ANKAR: variants seen among roughly 807,000 people sequenced by gnomAD.
ANKAR encodes the protein ankyrin and armadillo repeat-containing protein.
A neutral mutation model predicts 146.2 loss-of-function variants in ANKAR; 136 were observed. The observed-to-expected ratio is 0.93, with a 90% CI of 0.81 to 1.07. The LOEUF is 1.07. Ranked by LOEUF, ANKAR falls within the 50% of genes least tolerant of loss-of-function variation. The probability of loss-of-function intolerance (pLI) is 0.00; values close to 1 mark genes in which losing one functional copy is unlikely to be tolerated. For synonymous variants in ANKAR, 500 were observed against 575.8 expected (o/e 0.87, Z 1.88); for missense variants, 1,567 against 1,679.9 (o/e 0.93, Z 1.18).
chr2:189,694,332 T>G (rs895306530), intron 5 of ANKAR, among the ~76,000 whole-genome samples: 1 of 152,102 alleles, frequency 6.6e-6, no homozygotes, highest in African/African-American at 2.4e-5. Context: ...GGTCAGCAGC[T>G]GAAGTATTCA....
At chr2:189,705,253 G>A (rs1464017986) in intron 8 of ANKAR, 29 bp downstream of exon 8, 1 of 1,593,254 alleles carries the variant, frequency 6.3e-7, no homozygotes, top group Admixed American at 1.7e-5. Flanking sequence ...ATATCAGGTT[G>A]AGGTTGATGT....
At position 189,693,114 on chromosome 2, in the gene ANKAR, T is replaced by A; in HGVS notation, c.1244T>A (p.Phe415Tyr). The change falls in exon 5 of 23, where the codon TTT (phenylalanine) becomes TAT (tyrosine). Residue 415 changes from phenylalanine (F) to tyrosine (Y), a missense_variant. Transcript: ENST00000684021. ...EKIRDCAANT[F>Y]IEDSGYKEYY... ...ATACGAGATTGTGCTGCTAATACAT[T>A]TATAGAAGATTCAGGATATAAAGAA... is the stretch of plus-strand genomic sequence containing the variant. 1 of 1,554,346 alleles carries A rather than the reference T, an allele frequency of 6.4e-7. No homozygotes were observed. The highest frequency in any genetic ancestry group is 8.7e-7 in the Non-Finnish European group (1 of 1,147,330).
intron 12 of ANKAR, among the ~76,000 whole-genome samples, chr2:189,722,597 A>G (rs1242444037): frequency 6.6e-6 from 1 of 152,138 alleles, no homozygotes; most frequent in African/African-American, 2.4e-5. Context: ...AAAGAAAACT[A>G]TAGCACCGGG....
chr2:189,696,819 A>G (rs970332238), intron 7 of ANKAR, among the ~76,000 whole-genome samples: 16 of 152,356 alleles, frequency 1.1e-4, no homozygotes, highest in Non-Finnish European at 1.9e-4. Context: ...AGGTCCCAGT[A>G]GAACAATCAT....
downstream of ANKAR, chr2:189,750,582 A>T: frequency 6.4e-7 from 1 of 1,560,856 alleles, no homozygotes; most frequent in South Asian, 1.2e-5. Flanking sequence ...CAGAAATCAT[A>T]TCTCCATTTT....
intron 14 of ANKAR, 45 bp downstream of exon 14, chr2:189,728,465 T>A (rs754582253): frequency 1.3e-6 from 2 of 1,549,804 alleles, no homozygotes; most frequent in Non-Finnish European, 8.7e-7. Context: ...AGAGACAGGA[T>A]CTTGCTCTGT....
chr2:189,760,404 G>T (rs2046850207), intron 18 of ANKAR, among the ~76,000 whole-genome samples: 1 of 152,150 alleles, frequency 6.6e-6, no homozygotes, highest in Admixed American at 6.5e-5. Flanking sequence ...CCCAGACGGG[G>T]CGGCTGCTGG....
intron 17 of ANKAR, 99 bp downstream of exon 17, chr2:189,733,328 A>G: frequency 1.9e-6 from 2 of 1,047,766 alleles, no homozygotes; most frequent in Non-Finnish European, 2.6e-6. Context: ...TATTCAATGT[A>G]TTGTTTAAGA....
chr2:189,760,145 T>C (rs942420453), intron 18 of ANKAR, among the ~76,000 whole-genome samples: 10 of 152,364 alleles, frequency 6.6e-5, no homozygotes, highest in Non-Finnish European at 1.5e-4. Flanking sequence ...TGGAGTCTCC[T>C]ATGTCTACTT....
chr2:189,705,591 G>C (rs1287706887), intron 8 of ANKAR, among the ~76,000 whole-genome samples: 1 of 152,168 alleles, frequency 6.6e-6, no homozygotes, highest in Non-Finnish European at 1.5e-5. Flanking sequence ...TAGTGCCCTG[G>C]AAGAAGCCTG....
intron 21 of ANKAR, among the ~76,000 whole-genome samples, 188 bp from the exon 22 acceptor site, chr2:189,744,554 G>T (rs1559150253): frequency 6.6e-6 from 1 of 152,136 alleles, no homozygotes; most frequent in Admixed American, 6.6e-5. Flanking sequence ...GAGTAAATAA[G>T]TGAGTAAATG....
downstream of ANKAR, chr2:189,762,865 A>G (rs1410854423): frequency 2.4e-5 from 24 of 985,444 alleles, no homozygotes; most frequent in East Asian, 4.5e-4. Flanking sequence ...CTTAGTGAAG[A>G]AAAGCTTAAA....
intron 10 of ANKAR, 75 bp downstream of exon 10, chr2:189,711,228 A>G (rs2039644797): frequency 1.7e-6 from 2 of 1,147,002 alleles, no homozygotes; most frequent in East Asian, 2.8e-5. Flanking sequence ...TCATTTTTAA[A>G]TATATTTTTA....
At chr2:189,751,506 G>A (rs1246646754), downstream of ANKAR, among the ~76,000 whole-genome samples, 4 of 147,946 alleles carry the variant, frequency 2.7e-5, no homozygotes, top group East Asian at 2.0e-4. Context: ...GTGCAGTGGC[G>A]TGATCTCGGC....
chr2:189,704,578 TATATATATATA>T (rs1559088852), intron 7 of ANKAR, among the ~76,000 whole-genome samples: 1 of 122,000 alleles, frequency 8.2e-6, no homozygotes, highest in East Asian at 2.6e-4. Flanking sequence ...TATATATATA[TATATATATATA>T]TATATATAAT....
chr2:189,756,858 C>G (rs967259260), intron 18 of ANKAR, among the ~76,000 whole-genome samples: 3 of 152,164 alleles, frequency 2.0e-5, no homozygotes, highest in Non-Finnish European at 4.4e-5. Context: ...AAAGCACATG[C>G]TACCAGTTAT....
chr2:189,762,698 G>A (rs1468560897), downstream of ANKAR: 2 of 985,388 alleles, frequency 2.0e-6, no homozygotes, highest in Non-Finnish European at 2.4e-6. Flanking sequence ...CCACTTGGGC[G>A]GCAGTAGCTA....
rs1559126772 is a variant in ANKAR, at chr2:189,727,877, C to CT, written c.2658dup (p.Ala887CysfsTer5). On this transcript the variant is annotated frameshift_variant, in exon 13 of 23. Coordinates refer to ENST00000684021, the MANE Select transcript of ANKAR (RefSeq NM_001378068.1). LOFTEE classifies it high-confidence loss of function. Reference sequence around the variant, plus strand: ...GAAGATGTGTTGAAGGCTGTATCTTCTGCTGCAATTGCTGAGGTTGGGCGT... The same window carrying CT: ...GAAGATGTGTTGAAGGCTGTATCTTCTTGCTGCAATTGCTGAGGTTGGGCGT... 3.1e-6 allele frequency: 5 copies of CT among 1,613,888 alleles called. No homozygotes were observed. Among genetic ancestry groups the CT allele is most frequent in the Non-Finnish European group, 4.2e-6 (5 of 1,179,872 alleles).
At chr2:189,707,588 A>C (rs1354611848) in intron 9 of ANKAR, among the ~76,000 whole-genome samples, 1 of 150,436 alleles carries the variant, frequency 6.6e-6, no homozygotes, top group Non-Finnish European at 1.5e-5. Flanking sequence ...TGTTTTGTGA[A>C]GAATTCTGCT....
Sources: gnomAD v4.1 joint callset for allele counts (sites outside exome capture counted in the v4.1 genomes callset) on GRCh38, gnomAD v4.1.1 for gene constraint, MANE v1.5 for transcripts, NCBI Gene and HGNC (gene_info 2026-07-23, HGNC 2026-07-21) for gene names.